Variants in PRKDC observed in about 807,000 individuals in gnomAD.
The protein encoded by PRKDC is DNA-dependent protein kinase catalytic subunit.
A neutral mutation model predicts 486.9 loss-of-function variants in PRKDC; 82 were observed. The observed-to-expected ratio is 0.17, with a 90% CI of 0.14 to 0.20. The LOEUF is 0.20. Ranked by LOEUF, PRKDC falls within the 10% of genes least tolerant of loss-of-function variation. The pLI is 1.00. For missense variants in PRKDC, 4,504 were observed against 5,038.2 expected (o/e 0.89, Z 3.21); for synonymous variants, 1,895 against 1,837.0 (o/e 1.03, Z -0.81).
Position 47,810,345 on chromosome 8 carries a change from T to C in PRKDC, c.9558-3019A>G, listed in dbSNP as rs561912418. 3.9e-5 allele frequency among the ~76,000 whole-genome samples: 6 copies of C among 152,344 alleles called. No individual in the cohort carries two copies. The East Asian group carries it at 1.2e-3, about 29-fold the overall frequency. ...GTATACTGTTTGAATTATTCTACTTTATTATTGTTATTGCTGTTACTCTTA... is the reference window on the plus strand; with the variant it reads ...GTATACTGTTTGAATTATTCTACTTCATTATTGTTATTGCTGTTACTCTTA... On this transcript the variant is annotated intron_variant, in intron 68 of 85. Coordinates refer to ENST00000314191, the MANE Select transcript of PRKDC (RefSeq NM_006904.7).
chr8:47,778,884 G>C, intron 81 of PRKDC, 85 bp from the exon 82 acceptor site: 2 of 1,471,238 alleles, frequency 1.4e-6, no homozygotes, highest in Non-Finnish European at 9.2e-7. Flanking sequence ...TTTATATTGA[G>C]ACTCAAATAT....
intron 18 of PRKDC, 34 bp from the exon 19 acceptor site, chr8:47,929,212 C>T: frequency 7.1e-7 from 1 of 1,416,546 alleles, no homozygotes; most frequent in Non-Finnish European, 9.8e-7. Flanking sequence ...GTACACTGAA[C>T]AAGAATCGGG....
intron 16 of PRKDC, among the ~76,000 whole-genome samples, chr8:47,931,979 C>T (rs544082747): frequency 6.4e-4 from 97 of 152,310 alleles, no homozygotes; most frequent in African/African-American, 2.2e-3. Context: ...CAAGCTCCGC[C>T]TCCCGGGTTC....
intron 31 of PRKDC, 58 bp from the exon 32 acceptor site, chr8:47,890,538 A>AAC (rs2089437269): frequency 3.7e-6 from 5 of 1,339,792 alleles, no homozygotes; most frequent in Non-Finnish European, 5.1e-6. Context: ...CACTAAGATT[A>AAC]ACATAAAATT....
intron 4 of PRKDC, 48 bp from the exon 5 acceptor site, chr8:47,954,494 A>AAAAAACAC (rs759457008): frequency 8.5e-6 from 6 of 709,748 alleles, no homozygotes; most frequent in Non-Finnish European, 1.1e-5. Context: ...GAATCAAGAA[A>AAAAAACAC]AAAAACACAA....
chr8:47,919,501 A>G (rs2090039660), intron 21 of PRKDC, among the ~76,000 whole-genome samples: 1 of 152,192 alleles, frequency 6.6e-6, no homozygotes, highest in African/African-American at 2.4e-5. Flanking sequence ...AAAAGTTCTG[A>G]GATGTCCAGT....
intron 16 of PRKDC, 146 bp from the exon 17 acceptor site, chr8:47,930,933 A>G: frequency 4.1e-6 from 3 of 729,370 alleles, no homozygotes; most frequent in Non-Finnish European, 2.2e-6. Flanking sequence ...GGTGCTCAAG[A>G]CCTATGGTCT....
Position 47,857,081 on chromosome 8 carries a change from G to A in PRKDC, c.6609+75C>T, listed in dbSNP as rs1589746213. 3 of 1,443,566 alleles carry A rather than the reference G, an allele frequency of 2.1e-6. No individual in the cohort carries two copies. The East Asian group carries it at 7.4e-5, about 36-fold the overall frequency. 89.4% of individuals were successfully genotyped at this position (1,443,566 alleles called of 1,614,324 possible). A position where few individuals can be genotyped will look rare whatever the true frequency, so the allele number is the denominator to read the frequency against. ...ATAGCACAGTCAGTGAGAGGGACCT[G>A]AATTATGTGTCATAGGCTCTATAGG... On this transcript the variant is annotated intron_variant, in intron 49 of 85. Coordinates refer to ENST00000314191, the MANE Select transcript of PRKDC (RefSeq NM_006904.7).
chr8:47,787,658 C>A (rs1370036905), intron 76 of PRKDC, among the ~76,000 whole-genome samples: 1 of 152,168 alleles, frequency 6.6e-6, no homozygotes, highest in Non-Finnish European at 1.5e-5. Context: ...GGTGCTGCTG[C>A]AGGGGTAAGA....
chr8:47,865,077 A>G (rs1261649089), intron 40 of PRKDC, among the ~76,000 whole-genome samples: 2 of 152,218 alleles, frequency 1.3e-5, no homozygotes, highest in African/African-American at 2.4e-5. Flanking sequence ...AAAAATAGAC[A>G]CATTTCTAGG....
intron 50 of PRKDC, among the ~76,000 whole-genome samples, chr8:47,854,530 C>T (rs556648078): frequency 1.2e-4 from 19 of 152,112 alleles, no homozygotes; most frequent in Admixed American, 7.2e-4. Flanking sequence ...TTAGTAGAGA[C>T]GGGGTTTCAC....
At position 47,953,731 on chromosome 8, in the gene PRKDC, G is replaced by GTC; in HGVS notation, c.622-13_622-12insGA. ...ACTGCTGATGTCATCTAAAAGAAAAGATTTAAGAAGATGTCATTACAAGAG... is the reference window on the plus strand; with the variant it reads ...ACTGCTGATGTCATCTAAAAGAAAAGTCATTTAAGAAGATGTCATTACAAGAG... On this transcript the variant is annotated splice_polypyrimidine_tract_variant and intron_variant, in intron 6 of 85. Transcript: ENST00000314191. 1 of 1,602,210 alleles carries GTC rather than the reference G, an allele frequency of 6.2e-7. No individual in the cohort carries two copies. Among genetic ancestry groups the GTC allele is most frequent in the Non-Finnish European group, 8.5e-7 (1 of 1,173,522 alleles).
At chr8:47,952,322 C>G (rs1274966249) in intron 7 of PRKDC, among the ~76,000 whole-genome samples, 1 of 152,128 alleles carries the variant, frequency 6.6e-6, no homozygotes, top group Non-Finnish European at 1.5e-5. Context: ...AGGATATGGA[C>G]AAACCTGAAA....
At chr8:47,796,494 C>T (rs565910733) in intron 73 of PRKDC, among the ~76,000 whole-genome samples, 6 of 152,194 alleles carry the variant, frequency 3.9e-5, no homozygotes, top group African/African-American at 1.4e-4. Flanking sequence ...GCATTTCCTC[C>T]CACCATTTTC....
intron 51 of PRKDC, among the ~76,000 whole-genome samples, chr8:47,853,852 G>C (rs1310805085): frequency 6.6e-6 from 1 of 152,086 alleles, no homozygotes; most frequent in Non-Finnish European, 1.5e-5. Context: ...TTTTGGTATA[G>C]ATGCGGTCTT....
intron 23 of PRKDC, among the ~76,000 whole-genome samples, chr8:47,914,381 T>G (rs1339146377): frequency 6.6e-6 from 1 of 152,162 alleles, no homozygotes; most frequent in Non-Finnish European, 1.5e-5. Flanking sequence ...AAAAAAAATC[T>G]CTTTGAAACA....
At chr8:47,780,755 T>C (rs1028311291) in intron 80 of PRKDC, among the ~76,000 whole-genome samples, 4 of 152,016 alleles carry the variant, frequency 2.6e-5, no homozygotes, top group Admixed American at 6.6e-5. Flanking sequence ...CTGGCCAACA[T>C]AGTGAAATCC....
Position 47,824,030 on chromosome 8 carries a change from A to C in PRKDC, c.8784-34T>G, listed in dbSNP as rs1373656135. Reference sequence around the variant, plus strand: ...CAAATCAAAAAGGCCAAATCAATGAACACTCCAGTATTTTAAAAGTATTTA... The same window carrying C: ...CAAATCAAAAAGGCCAAATCAATGACCACTCCAGTATTTTAAAAGTATTTA... On this transcript the variant is annotated intron_variant, in intron 63 of 85. Transcript: ENST00000314191. 2.0e-6 allele frequency: 3 copies of C among 1,533,938 alleles called. No homozygotes were observed. The East Asian group carries it at 6.9e-5, about 35-fold the overall frequency.
intron 76 of PRKDC, among the ~76,000 whole-genome samples, chr8:47,786,444 A>G (rs2086792836): frequency 6.6e-6 from 1 of 152,108 alleles, no homozygotes; most frequent in Admixed American, 6.6e-5. Flanking sequence ...GTTAGTAGTG[A>G]CTTTTAGTTA....
Sources: gnomAD v4.1 joint callset for allele counts (sites outside exome capture counted in the v4.1 genomes callset) on GRCh38, gnomAD v4.1.1 for gene constraint, MANE v1.5 for transcripts, NCBI Gene and HGNC (gene_info 2026-07-23, HGNC 2026-07-21) for gene names.